Variants in EDIL3 observed in about 807,000 individuals in gnomAD.
EDIL3 encodes EGF-like repeat and discoidin I-like domain-containing protein 3.
Under a neutral mutation model 67.4 loss-of-function variants are expected in EDIL3, and 37 were observed. The ratio of observed to expected loss-of-function variants is 0.55; its 90% CI spans 0.42 to 0.72. EDIL3 has a LOEUF of 0.72. Ranked by LOEUF, EDIL3 falls within the 30% of genes least tolerant of loss-of-function variation. The pLI is 0.00. For missense variants in EDIL3, 527 were observed against 586.3 expected, an observed-to-expected ratio of 0.90 and a Z score of 1.04; for synonymous variants, 195 against 196.3, an observed-to-expected ratio of 0.99 and a Z score of 0.05.
chr5:84,164,520 G>A (rs932077723), intron 4 of EDIL3, among the ~76,000 whole-genome samples: 21 of 152,066 alleles, frequency 1.4e-4, no homozygotes, highest in Admixed American at 7.9e-4. Flanking sequence ...TCCCTGCCAA[G>A]TAGTGGTAAA....
rs147795842 is a variant in EDIL3 at position 84,219,983 on chromosome 5, G to C, written c.226+9872C>G. 6.4e-3 allele frequency among the ~76,000 whole-genome samples: 969 copies of C among 152,180 alleles called. 16 individuals carry two copies. The highest frequency in any genetic ancestry group is 0.022 in the African/African-American group (927 of 41,516). ...AGTGCAGGGGGTAGTGGGGTGGGGA[G>C]TGGGGATGGTTAATGAGCATAAAAA... On this transcript the variant is annotated intron_variant, in intron 3 of 10. Coordinates refer to ENST00000296591, the MANE Select transcript of EDIL3 (RefSeq NM_005711.5).
At position 84,019,228 on chromosome 5, in the gene EDIL3, A is replaced by C. The variant is rs534847259; in HGVS notation, c.1137+41072T>G. Among the ~76,000 whole-genome samples, 15 of 152,278 alleles carry C rather than the reference A, an allele frequency of 9.9e-5. No individual in the cohort carries two copies. In the South Asian group the frequency reaches 2.3e-3, roughly 23 times the overall value. The stretch of plus-strand genomic sequence containing the variant: ...TACTATGCAGCCATAAAAAATGATG[A>C]ATTCATATCCTTTGTAGGGACATGG... On this transcript the variant is annotated intron_variant, in intron 9 of 10. Coordinates refer to ENST00000296591, the MANE Select transcript of EDIL3 (RefSeq NM_005711.5).
intron 6 of EDIL3, among the ~76,000 whole-genome samples, chr5:84,079,944 C>T (rs1370824591): frequency 6.6e-5 from 10 of 151,592 alleles, no homozygotes; most frequent in South Asian, 2.1e-4. Context: ...TGAGAAGCAT[C>T]ATGAACACAC....
intron 5 of EDIL3, among the ~76,000 whole-genome samples, chr5:84,113,664 T>A (rs1337988089): frequency 1.3e-5 from 2 of 152,230 alleles, no homozygotes; most frequent in Non-Finnish European, 2.9e-5. Flanking sequence ...TGCCTCAAGA[T>A]GTCTCGCATC....
chr5:84,135,676 T>C (rs1310585890), intron 5 of EDIL3, among the ~76,000 whole-genome samples: 2 of 152,176 alleles, frequency 1.3e-5, no homozygotes, highest in Non-Finnish European at 2.9e-5. Flanking sequence ...GGAAGGTTTC[T>C]AGGTTAGTTG....
At chr5:84,051,392 A>G (rs987340611) in intron 9 of EDIL3, among the ~76,000 whole-genome samples, 1 of 152,320 alleles carries the variant, frequency 6.6e-6, no homozygotes, top group South Asian at 2.1e-4. Flanking sequence ...AATTCTAAAA[A>G]TCAGAGCACC....
chr5:84,075,444 A>G (rs1746833680), intron 6 of EDIL3, among the ~76,000 whole-genome samples: 1 of 152,012 alleles, frequency 6.6e-6, no homozygotes, highest in Admixed American at 6.6e-5. Context: ...TATTTGCAAC[A>G]TCCAAATTTG....
chr5:84,241,322 C>CA (rs1442053339), intron 2 of EDIL3, among the ~76,000 whole-genome samples: 1 of 152,076 alleles, frequency 6.6e-6, no homozygotes, highest in Non-Finnish European at 1.5e-5. Flanking sequence ...TGCAAAACCA[C>CA]AAAAAGCTTA....
At chr5:84,191,684 C>T (rs940816071) in intron 3 of EDIL3, among the ~76,000 whole-genome samples, 1 of 151,860 alleles carries the variant, frequency 6.6e-6, no homozygotes, top group African/African-American at 2.4e-5. Flanking sequence ...GGGATGCTTG[C>T]CCAAACACAG....
chr5:84,176,303 C>CAT (rs537628568), intron 4 of EDIL3, among the ~76,000 whole-genome samples: 1,462 of 73,194 alleles, frequency 0.02, 25 homozygotes, highest in African/African-American at 0.069. Context: ...AATATATTTC[C>CAT]ATATATATAT....
At chr5:84,289,654 A>T (rs1168945253) in intron 1 of EDIL3, among the ~76,000 whole-genome samples, 1 of 152,160 alleles carries the variant, frequency 6.6e-6, no homozygotes, top group Non-Finnish European at 1.5e-5. Flanking sequence ...CTTTCCGTCA[A>T]CAACTGAGAT....
intron 5 of EDIL3, among the ~76,000 whole-genome samples, chr5:84,125,582 A>T (rs1459270628): frequency 6.6e-6 from 1 of 152,050 alleles, no homozygotes; most frequent in Non-Finnish European, 1.5e-5. Context: ...ATGTGTGTTT[A>T]GTGGCAGTAC....
chr5:84,064,430 A>T (rs1746597528), intron 8 of EDIL3, among the ~76,000 whole-genome samples: 3 of 152,280 alleles, frequency 2.0e-5, no homozygotes, highest in Admixed American at 1.3e-4. Context: ...TAAAAGTGAC[A>T]ATTTTCCCGT....
chr5:84,183,971 T>C (rs1749058125), intron 3 of EDIL3, among the ~76,000 whole-genome samples: 2 of 152,102 alleles, frequency 1.3e-5, no homozygotes, highest in Admixed American at 6.5e-5. Context: ...CCGGGTGTAG[T>C]GGCGCATGGC....
intron 9 of EDIL3, among the ~76,000 whole-genome samples, chr5:84,044,808 C>A (rs1746191968): frequency 6.6e-6 from 1 of 152,084 alleles, no homozygotes; most frequent in Non-Finnish European, 1.5e-5. Flanking sequence ...GCAGTTGGCA[C>A]CATAAGAGCC....
rs145400099 is a variant in EDIL3 at position 84,168,190 on chromosome 5, T to C, written c.355+12203A>G. Among the ~76,000 whole-genome samples the C allele has an allele frequency of 2.1e-3, 319 of 152,316 alleles. 1 individual carries two copies. The highest frequency in any genetic ancestry group is 7.3e-3 in the African/African-American group (305 of 41,590). On this transcript the variant is annotated intron_variant, in intron 4 of 10. Transcript: ENST00000296591. ...ATGCAACTGTGATTTCCAGATTTCC[T>C]ATTCAAATGTAAATGATGTTCTATT...
At chr5:84,382,579 G>A (rs1443682447) in intron 1 of EDIL3, among the ~76,000 whole-genome samples, 1 of 152,204 alleles carries the variant, frequency 6.6e-6, no homozygotes, top group Non-Finnish European at 1.5e-5. Context: ...CGTAGGCGGG[G>A]AAGAGAAGGA....
intron 3 of EDIL3, among the ~76,000 whole-genome samples, chr5:84,187,612 T>TA (rs111786884): frequency 0.01 from 1,576 of 152,196 alleles, 27 homozygotes; most frequent in African/African-American, 0.032. Flanking sequence ...TAGGAATAGC[T>TA]ATGACCCCAA....
At chr5:83,954,286 T>C (rs1025769592) in intron 10 of EDIL3, among the ~76,000 whole-genome samples, 2 of 151,696 alleles carry the variant, frequency 1.3e-5, no homozygotes, top group African/African-American at 4.8e-5. Context: ...TTCTAATTGA[T>C]ATAGTTTGGA....
Sources: allele counts gnomAD v4.1 joint callset (sites outside exome capture counted in the v4.1 genomes callset), GRCh38; gene constraint gnomAD v4.1.1; transcripts MANE v1.5; gene names NCBI Gene and HGNC (gene_info 2026-07-23, HGNC 2026-07-21).